Variants in GRID2 observed in about 807,000 individuals in gnomAD.
GRID2 encodes glutamate ionotropic receptor delta type subunit 2, also known as glutamate receptor ionotropic, delta-2.
Under a neutral mutation model 114.8 loss-of-function variants are expected in GRID2, and 33 were observed. That is an observed-to-expected ratio of 0.29 (90% confidence interval 0.22 to 0.38). The LOEUF (loss-of-function observed/expected upper bound fraction) is 0.38. Ranked by LOEUF, GRID2 falls within the 10% of genes least tolerant of loss-of-function variation. The probability of loss-of-function intolerance (pLI) is 1.00; values close to 1 mark genes in which losing one functional copy is unlikely to be tolerated. For missense variants in GRID2, 1,184 were observed against 1,257.7 expected (o/e 0.94, Z 0.89); for synonymous variants, 505 against 449.9 (o/e 1.12, Z -1.55).
chr4:92,551,058 T>C (rs1375887131), intron 1 of GRID2, among the ~76,000 whole-genome samples: 1 of 152,186 alleles, frequency 6.6e-6, no homozygotes, highest in Non-Finnish European at 1.5e-5. Context: ...CACAAGATAG[T>C]GTGCATATTG....
intron 14 of GRID2, among the ~76,000 whole-genome samples, chr4:93,704,524 G>A (rs141148723): frequency 0.042 from 6,403 of 152,020 alleles, 218 homozygotes; most frequent in African/African-American, 0.084. Context: ...GTCAATTTTG[G>A]CTTTTGTTGC....
chr4:92,828,225 A>T, intron 2 of GRID2, among the ~76,000 whole-genome samples: 1 of 151,984 alleles, frequency 6.6e-6, no homozygotes, highest in East Asian at 1.9e-4. Context: ...GTCCACTTTG[A>T]CTCTTCTACC....
At chr4:92,727,671 A>G (rs1463474003) in intron 2 of GRID2, among the ~76,000 whole-genome samples, 1 of 152,134 alleles carries the variant, frequency 6.6e-6, no homozygotes, top group East Asian at 1.9e-4. Context: ...ACAAATTGCT[A>G]TGTGAACATA....
intron 8 of GRID2, among the ~76,000 whole-genome samples, chr4:93,300,800 G>T (rs925168562): frequency 1.3e-5 from 2 of 152,162 alleles, no homozygotes; most frequent in African/African-American, 4.8e-5. Flanking sequence ...CCTTTTAAGG[G>T]CTCACAACAC....
At chr4:92,357,855 G>A (rs926382763) in intron 1 of GRID2, among the ~76,000 whole-genome samples, 5 of 151,700 alleles carry the variant, frequency 3.3e-5, no homozygotes. Flanking sequence ...AGCTCCTTCT[G>A]GACCTCTATT....
chr4:93,056,715 C>T (rs1235909288), intron 2 of GRID2, among the ~76,000 whole-genome samples: 2 of 151,786 alleles, frequency 1.3e-5, no homozygotes, highest in African/African-American at 4.8e-5. Flanking sequence ...TCATTGATTT[C>T]AAACTATTGG....
intron 1 of GRID2, among the ~76,000 whole-genome samples, chr4:92,419,873 A>C (rs983291651): frequency 1.3e-5 from 2 of 152,132 alleles, no homozygotes; most frequent in African/African-American, 4.8e-5. Context: ...ATATACTCTG[A>C]AAATTGGAAA....
At chr4:92,829,592 C>T (rs1290121959) in intron 2 of GRID2, among the ~76,000 whole-genome samples, 2 of 152,048 alleles carry the variant, frequency 1.3e-5, no homozygotes, top group Non-Finnish European at 1.5e-5. Context: ...TGGGTATATA[C>T]CCAAAGGATT....
At chr4:93,194,015 T>C (rs1741242454) in intron 4 of GRID2, among the ~76,000 whole-genome samples, 1 of 152,210 alleles carries the variant, frequency 6.6e-6, no homozygotes, top group African/African-American at 2.4e-5. Context: ...ATTTTTTCTC[T>C]TTATCTGCCT....
At chr4:92,751,280 G>A (rs541055570) in intron 2 of GRID2, among the ~76,000 whole-genome samples, 1 of 152,148 alleles carries the variant, frequency 6.6e-6, no homozygotes, top group Non-Finnish European at 1.5e-5. Flanking sequence ...ATAGTTTTAA[G>A]CATTTAAAAT....
chr4:93,037,819 C>G (rs762673084), intron 2 of GRID2, among the ~76,000 whole-genome samples: 1 of 152,100 alleles, frequency 6.6e-6, no homozygotes. Context: ...GTACCAGTAC[C>G]GTGCTGTTTT....
At chr4:92,761,487 G>A (rs934726675) in intron 2 of GRID2, among the ~76,000 whole-genome samples, 1 of 152,142 alleles carries the variant, frequency 6.6e-6, no homozygotes, top group Admixed American at 6.6e-5. Context: ...CAATTCATAT[G>A]TGGTTTAGCC....
At chr4:93,643,894 G>A (rs1721845936) in intron 14 of GRID2, among the ~76,000 whole-genome samples, 1 of 100,626 alleles carries the variant, frequency 9.9e-6, no homozygotes, top group Non-Finnish European at 1.9e-5. Flanking sequence ...GGGCAATGGC[G>A]GGCGCCCCTC....
At chr4:92,468,147 A>C (rs1280299852) in intron 1 of GRID2, among the ~76,000 whole-genome samples, 1 of 152,038 alleles carries the variant, frequency 6.6e-6, no homozygotes, top group African/African-American at 2.4e-5. Context: ...AGGTTTGGAG[A>C]TACAAATGAA....
chr4:93,004,132 A>G (rs1721272654), intron 2 of GRID2, among the ~76,000 whole-genome samples: 1 of 151,942 alleles, frequency 6.6e-6, no homozygotes, highest in South Asian at 2.1e-4. Flanking sequence ...CAAATATTAG[A>G]CATATCACAT....
intron 2 of GRID2, among the ~76,000 whole-genome samples, chr4:92,898,908 T>C (rs1363688996): frequency 6.6e-6 from 1 of 152,164 alleles, no homozygotes; most frequent in Non-Finnish European, 1.5e-5. Context: ...TGTTAAAAAA[T>C]TAATAGTAAC....
intron 1 of GRID2, among the ~76,000 whole-genome samples, chr4:92,372,951 G>A (rs559989679): frequency 1.1e-4 from 17 of 152,208 alleles, no homozygotes; most frequent in Admixed American, 3.9e-4. Context: ...CTCTCCTGCC[G>A]ATGACTACCA....
chr4:93,512,847 A>G (rs757113699), intron 12 of GRID2, among the ~76,000 whole-genome samples: 2 of 152,218 alleles, frequency 1.3e-5, no homozygotes, highest in Non-Finnish European at 2.9e-5. Flanking sequence ...AGGTGAAGCT[A>G]TGTCACAGAA....
intron 10 of GRID2, among the ~76,000 whole-genome samples, chr4:93,434,697 A>G (rs1299034886): frequency 6.6e-6 from 1 of 152,116 alleles, no homozygotes; most frequent in Admixed American, 6.6e-5. Context: ...CCTTCAATAT[A>G]TTTTAACACA....
Sources: allele counts gnomAD v4.1 joint callset (sites outside exome capture counted in the v4.1 genomes callset), GRCh38; gene constraint gnomAD v4.1.1; transcripts MANE v1.5; gene names NCBI Gene and HGNC (gene_info 2026-07-23, HGNC 2026-07-21).